Variants in CCDC7 observed in about 807,000 individuals in gnomAD.
CCDC7 encodes the protein coiled-coil domain containing 7.
In CCDC7, 183 loss-of-function variants were observed where a neutral mutation model predicts 196.9. That is an observed-to-expected ratio of 0.93 (90% CI 0.82 to 1.05). The LOEUF (loss-of-function observed/expected upper bound fraction) is 1.05, where lower values mean the gene tolerates loss of function less well. Among genes scored for constraint, CCDC7 ranks in the 50% least tolerant of loss-of-function variants. The pLI is 0.00. For missense variants in CCDC7, 1,540 were observed against 1,482.2 expected, an observed-to-expected ratio of 1.04 and a Z score of -0.64; for synonymous variants, 525 against 484.6, an observed-to-expected ratio of 1.08 and a Z score of -1.10.
chr10:32,781,313 A>G (rs2081031499), intron 29 of CCDC7, among the ~76,000 whole-genome samples: 1 of 152,190 alleles, frequency 6.6e-6, no homozygotes, highest in Admixed American at 6.5e-5. Flanking sequence ...TTCTATGAGG[A>G]CAGCATTATC....
Position 32,726,763 on chromosome 10 carries a change from C to T in CCDC7, c.2599C>T (p.Gln867Ter), listed in dbSNP as rs371863279. ...AGATAAAAATTCTATGTTTGTTCAT[C>T]AAGATTCAGTGTCAAAACTCCAAAT... Residue 867 changes from glutamine (Q) to a stop codon, truncating the protein, a stop_gained, in exon 26 of 42, where the codon CAA (glutamine) becomes TAA (stop). Coordinates refer to ENST00000639629, the Ensembl canonical transcript of CCDC7. LOFTEE classifies it high-confidence loss of function. 6.2e-7 allele frequency: 1 copy of T among 1,601,198 alleles called. No individual in the cohort carries two copies. Among genetic ancestry groups the T allele is most frequent in the Non-Finnish European group, 8.5e-7 (1 of 1,170,996 alleles).
intron 28 of CCDC7, among the ~76,000 whole-genome samples, chr10:32,742,106 C>T (rs865942794): frequency 3.3e-4 from 50 of 152,234 alleles, no homozygotes; most frequent in Middle Eastern, 3.4e-3. Context: ...TTCCTTTTAA[C>T]TAGAATTTAG....
At chr10:32,473,837 C>T in intron 7 of CCDC7, 130 bp from the exon 9 acceptor site, 6 of 777,756 alleles carry the variant, frequency 7.7e-6, no homozygotes, top group Non-Finnish European at 1.1e-5. Flanking sequence ...GCAGTGTTGG[C>T]AGTTATTATT....
intron 25 of CCDC7, among the ~76,000 whole-genome samples, chr10:32,712,526 A>C (rs753505567): frequency 6.6e-6 from 1 of 152,156 alleles, no homozygotes; most frequent in African/African-American, 2.4e-5. Flanking sequence ...CACTAGGATG[A>C]TTTCATAAAC....
chr10:32,576,109 C>G (rs2058151160), intron 16 of CCDC7, among the ~76,000 whole-genome samples: 1 of 152,090 alleles, frequency 6.6e-6, no homozygotes, highest in African/African-American at 2.4e-5. Flanking sequence ...ACAAACAGAT[C>G]TGTTTTTCTC....
chr10:32,541,523 A>G (rs925229502), intron 11 of CCDC7, among the ~76,000 whole-genome samples: 2 of 152,166 alleles, frequency 1.3e-5, no homozygotes, highest in African/African-American at 4.8e-5. Flanking sequence ...ACCAGTGGTG[A>G]GGGTGGGTGG....
intron 11 of CCDC7, among the ~76,000 whole-genome samples, chr10:32,531,947 G>C (rs1432701392): frequency 2.0e-5 from 3 of 151,818 alleles, no homozygotes; most frequent in Non-Finnish European, 2.9e-5. Context: ...TTTTTTCTTA[G>C]TCTAAAGGCT....
At chr10:32,614,024 T>C (rs974178455) in intron 18 of CCDC7, among the ~76,000 whole-genome samples, 3 of 152,192 alleles carry the variant, frequency 2.0e-5, no homozygotes, top group South Asian at 2.1e-4. Context: ...TCTCCCACTA[T>C]TATTGTATGG....
chr10:32,589,969 A>T lies in CCDC7; in HGVS notation c.1801+5665A>T, dbSNP rs548421151. On this transcript the variant is annotated intron_variant, in intron 18 of 41. Transcript: ENST00000639629. ...TCCTTATAGGTGAAGTGTGTTTATT[A>T]TACTCAACCAATCATTGGATATTGA... Among the ~76,000 whole-genome samples the T allele has an allele frequency of 5.3e-5, 8 of 152,130 alleles. No individual in the cohort carries two copies. In the South Asian group the frequency reaches 1.7e-3, roughly 32 times the overall value.
At chr10:32,796,241 T>C (rs1004068561) in intron 29 of CCDC7, among the ~76,000 whole-genome samples, 1 of 152,136 alleles carries the variant, frequency 6.6e-6, no homozygotes, top group African/African-American at 2.4e-5. Flanking sequence ...GTCATAATAT[T>C]GATGCTGTAT....
At chr10:32,444,659 G>C (rs1455408363), upstream of CCDC7, among the ~76,000 whole-genome samples, 1 of 151,940 alleles carries the variant, frequency 6.6e-6, no homozygotes, top group Non-Finnish European at 1.5e-5. Flanking sequence ...CATTTACAAC[G>C]GTTTTGGGAG....
intron 16 of CCDC7, among the ~76,000 whole-genome samples, chr10:32,576,218 G>C (rs2058162538): frequency 6.6e-6 from 1 of 151,478 alleles, no homozygotes; most frequent in African/African-American, 2.4e-5. Flanking sequence ...AGGTTTCAAA[G>C]AGGATGTCTG....
intron 29 of CCDC7, among the ~76,000 whole-genome samples, chr10:32,788,153 C>T (rs1490391804): frequency 6.6e-6 from 1 of 152,118 alleles, no homozygotes; most frequent in Non-Finnish European, 1.5e-5. Context: ...CCCAGAGCTT[C>T]ACACCCCAGA....
chr10:32,502,009 G>A lies in CCDC7; in HGVS notation c.872+10012G>A, dbSNP rs181508711. ...GGGCTCCAACCAGTTCGAACTTCCTGGCGGCTTTGTTTACACTGTAAGGTA... is the reference window on the plus strand; with the variant it reads ...GGGCTCCAACCAGTTCGAACTTCCTAGCGGCTTTGTTTACACTGTAAGGTA... On this transcript the variant is annotated intron_variant, in intron 9 of 41. Transcript: ENST00000639629. Among the ~76,000 whole-genome samples, 347 of 152,288 alleles carry A rather than the reference G, an allele frequency of 2.3e-3. 1 individual carries two copies. Among genetic ancestry groups the A allele is most frequent in the South Asian group, 7.9e-3 (38 of 4,818 alleles).
intron 23 of CCDC7, among the ~76,000 whole-genome samples, chr10:32,692,559 CCTG>C (rs1203129870): frequency 1.3e-5 from 2 of 152,118 alleles, no homozygotes; most frequent in Non-Finnish European, 2.9e-5. Context: ...CTGAGAGTGT[CCTG>C]CAGGCTCACT....
intron 8 of CCDC7, among the ~76,000 whole-genome samples, chr10:32,485,627 G>A (rs1454570110): frequency 6.6e-6 from 1 of 152,090 alleles, no homozygotes; most frequent in Non-Finnish European, 1.5e-5. Flanking sequence ...TTCTCTTGTG[G>A]GCATTTAGTG....
intron 30 of CCDC7, among the ~76,000 whole-genome samples, chr10:32,805,998 A>C (rs867615282): frequency 5.9e-5 from 9 of 152,180 alleles, no homozygotes; most frequent in African/African-American, 2.2e-4. Context: ...AGAAGGGGGA[A>C]GGTGCTACAT....
At chr10:32,663,705 G>A (rs955791849) in intron 20 of CCDC7, among the ~76,000 whole-genome samples, 2 of 151,812 alleles carry the variant, frequency 1.3e-5, no homozygotes, top group African/African-American at 4.8e-5. Context: ...AAGTGATTTT[G>A]AGTATTTTGT....
rs554621461 is a variant in CCDC7, at chr10:32,704,330, G to C, written c.2459-7290G>C. Among the ~76,000 whole-genome samples the C allele has an allele frequency of 2.0e-5, 3 of 152,194 alleles. No homozygotes were observed. In the South Asian group the frequency reaches 6.2e-4, roughly 32 times the overall value. ...CGGAAGCTGCAGAACAGTGGATATT[G>C]GTGATCAGCGAATGTTGCTGCCTGA... On this transcript the variant is annotated intron_variant, in intron 24 of 41. Coordinates refer to ENST00000639629, the Ensembl canonical transcript of CCDC7.
Sources: gnomAD v4.1 joint callset for allele counts (sites outside exome capture counted in the v4.1 genomes callset) on GRCh38, gnomAD v4.1.1 for gene constraint, MANE v1.5 for transcripts, NCBI Gene and HGNC (gene_info 2026-07-23, HGNC 2026-07-21) for gene names.